The following COL5A1 variants were observed in gnomAD, a reference collection of about 807,000 sequenced individuals.
COL5A1 encodes collagen type V alpha 1 chain, also known as collagen alpha-1(V) chain.
Under a neutral mutation model 263.7 loss-of-function variants are expected in COL5A1, and 16 were observed. That is an observed-to-expected ratio of 0.06 (90% CI 0.04 to 0.09). The LOEUF (loss-of-function observed/expected upper bound fraction) is 0.09, where lower values mean the gene tolerates loss of function less well. Among genes scored for constraint, COL5A1 ranks in the 10% least tolerant of loss-of-function variants. The probability of loss-of-function intolerance (pLI) is 1.00; values close to 1 mark genes in which losing one functional copy is unlikely to be tolerated. For synonymous variants in COL5A1, 1,012 were observed against 1,004.5 expected (o/e 1.01, Z -0.14); for missense variants, 2,036 against 2,540.5 (o/e 0.80, Z 4.27).
chr9:134,795,377 G>T, intron 34 of COL5A1, 62 bp downstream of exon 34: 2 of 1,460,110 alleles, frequency 1.4e-6, no homozygotes, highest in Admixed American at 3.4e-5. Flanking sequence ...CTACAGAGAC[G>T]TGGAGCGTCT....
At position 134,825,812 on chromosome 9, in the gene COL5A1, A is replaced by G; in HGVS notation, c.4975A>G (p.Asn1659Asp). Reference protein sequence around the residue: ...FPDGEYWVDPNQGCSRDSFKV... With the variant: ...FPDGEYWVDPDQGCSRDSFKV... ...TCCAGGTGAATACTGGGTCGATCCT[A>G]ACCAAGGATGCTCCAGGGATTCCTT... The change falls in exon 63 of 66, where the codon AAC becomes GAC. Residue 1659 changes from asparagine to aspartate, a missense_variant. This residue lies in a region of COL5A1 where 358 missense variants were observed against 384.6 expected (regional missense o/e 0.93). Transcript: ENST00000371817. 2 of 1,612,418 alleles carry G rather than the reference A, an allele frequency of 1.2e-6. No individual in the cohort carries two copies. The highest frequency in any genetic ancestry group is 1.3e-5 in the African/African-American group (1 of 75,004).
Position 134,819,066 on chromosome 9 carries a change from T to A in COL5A1, c.4446+13T>A. 6.2e-7 allele frequency: 1 copy of A among 1,613,012 alleles called. No homozygotes were observed. The highest frequency in any genetic ancestry group is 8.5e-7 in the Non-Finnish European group (1 of 1,179,872). ...CAAAGGTGAAAAGGTAAGAGGGGCC[T>A]CCCTGCCCCAGCAACTGTGACTCGG... On this transcript the variant is annotated intron_variant, in intron 57 of 65. Coordinates refer to ENST00000371817, the MANE Select transcript of COL5A1 (RefSeq NM_000093.5).
intron 11 of COL5A1, among the ~76,000 whole-genome samples, chr9:134,747,984 T>C (rs1282271554): frequency 1.5e-5 from 2 of 137,872 alleles, no homozygotes; most frequent in African/African-American, 2.8e-5. Context: ...CACACACACA[T>C]GCATTCACAC....
rs1162621720 is a variant in COL5A1 at position 134,716,484 on chromosome 9, G to T, written c.655-10782G>T. Among the ~76,000 whole-genome samples, 1 of 152,164 alleles carries T rather than the reference G, an allele frequency of 6.6e-6. No individual in the cohort carries two copies. The highest frequency in any genetic ancestry group is 6.5e-5 in the Admixed American group (1 of 15,284). On this transcript the variant is annotated intron_variant, in intron 4 of 65. Transcript: ENST00000371817. The surrounding 1 kb of genome is among the most constrained non-coding windows in gnomAD (Gnocchi z 4.5). ...AAGATGTGGAGAAGGAGCAGCTCAA[G>T]CGTGCACTGCCCAAGCCACAAGTGC...
chr9:134,756,659 G>T (rs953755262), intron 16 of COL5A1, 106 bp from the exon 17 acceptor site: 11 of 1,237,292 alleles, frequency 8.9e-6, no homozygotes, highest in Non-Finnish European at 1.1e-5. Context: ...GGGGGTGGGC[G>T]CGGCTCTGGT....
rs1050937211 is a variant in COL5A1, at chr9:134,818,246, C to T, written c.4231-410C>T. ...GTGCAGAAGATGGGACGCCGTCACC[C>T]ATGCAGTTGGCTTGGGGCCTGGCCC... On this transcript the variant is annotated intron_variant, in intron 54 of 65. Coordinates refer to ENST00000371817, the MANE Select transcript of COL5A1 (RefSeq NM_000093.5). The surrounding 1 kb of genome is among the most constrained non-coding windows in gnomAD (Gnocchi z 6.0). Among the ~76,000 whole-genome samples, 2 of 152,222 alleles carry T rather than the reference C, an allele frequency of 1.3e-5. No homozygotes were observed. Among genetic ancestry groups the T allele is most frequent in the African/African-American group, 4.8e-5 (2 of 41,456 alleles).
At chr9:134,826,626 C>G (rs1462602208) in intron 63 of COL5A1, among the ~76,000 whole-genome samples, 1 of 122,166 alleles carries the variant, frequency 8.2e-6, no homozygotes, top group African/African-American at 4.0e-5. Context: ...GTGTAGATGG[C>G]ATGTGGATGA....
chr9:134,761,162 AC>A (rs1245949517), intron 18 of COL5A1, among the ~76,000 whole-genome samples: 6 of 140,438 alleles, frequency 4.3e-5, no homozygotes, highest in Admixed American at 1.4e-4. Flanking sequence ...GCACACGCAT[AC>A]ACACCTATAC....
At position 134,798,415 on chromosome 9, in the gene COL5A1, C is replaced by T; in HGVS notation, c.2906C>T (p.Pro969Leu). 1 of 1,614,144 alleles carries T rather than the reference C, an allele frequency of 6.2e-7. No homozygotes were observed. Among genetic ancestry groups the T allele is most frequent in the South Asian group, 1.1e-5 (1 of 91,082 alleles). ...FPGPKGPPGP[P>L]GKDGLPGHPG... ...CTTTGGTTTTTTCTTCAGGGCCCTC[C>T]AGGCAAGGATGGACTCCCAGGACAC... The change falls in exon 37 of 66, where the codon CCA becomes CTA. Residue 969 changes from proline (P) to leucine (L), a missense_variant. Pro to Leu is a moderately conservative substitution (Grantham distance 98). Around this residue, in one of 3 missense-constraint regions of COL5A1, gnomAD observed 1,078 missense variants for 1,521.4 expected, o/e 0.71. Transcript: ENST00000371817.
intron 61 of COL5A1, 90 bp downstream of exon 61, chr9:134,823,559 C>G: frequency 7.3e-7 from 1 of 1,371,296 alleles, no homozygotes; most frequent in Non-Finnish European, 1.0e-6. Context: ...TGTGACCCCT[C>G]CTGAGACTCA....
intron 28 of COL5A1, among the ~76,000 whole-genome samples, chr9:134,780,360 A>C (rs985299243): frequency 1.3e-5 from 2 of 152,176 alleles, no homozygotes; most frequent in African/African-American, 4.8e-5. Context: ...CCCCAGGGGC[A>C]CATCTCCTAG....
chr9:134,730,112 T>C, intron 6 of COL5A1, 124 bp from the exon 7 acceptor site: 1 of 1,445,232 alleles, frequency 6.9e-7, no homozygotes, highest in Non-Finnish European at 9.6e-7. Context: ...CTGGGCCTCT[T>C]GACAGGCCTG....
intron 4 of COL5A1, among the ~76,000 whole-genome samples, chr9:134,707,000 T>G (rs117824602): frequency 6.6e-6 from 1 of 152,182 alleles, no homozygotes; most frequent in African/African-American, 2.4e-5. Flanking sequence ...CATGCACCTC[T>G]CTAGAGTCTC....
intron 42 of COL5A1, among the ~76,000 whole-genome samples, chr9:134,807,555 G>T (rs757986429): frequency 2.0e-5 from 3 of 152,178 alleles, no homozygotes; most frequent in Non-Finnish European, 4.4e-5. Context: ...AGCCTCCCAA[G>T]GTGCTGGGAT....
intron 1 of COL5A1, among the ~76,000 whole-genome samples, chr9:134,662,010 C>T (rs759261531): frequency 3.9e-5 from 6 of 152,124 alleles, no homozygotes; most frequent in Non-Finnish European, 8.8e-5. Context: ...GAGGCGGGAA[C>T]CTGACTCTGT....
chr9:134,650,314 C>T (rs1024419979), intron 1 of COL5A1, among the ~76,000 whole-genome samples: 3 of 152,138 alleles, frequency 2.0e-5, no homozygotes, highest in African/African-American at 2.4e-5. Flanking sequence ...CCATTGGAAG[C>T]GACCGTCTTC....
In COL5A1 at chr9:134,796,890, A is replaced by C. The variant is rs1217075831; in HGVS notation, c.2887A>C (p.Lys963Gln). ...AGGACCCACAGGATTTCCTGGACCA[A>C]AGGGCCCCCCTGTAAGTAATGGCTT... ...PQGPTGFPGPKGPPGPPGKDG... is the reference protein window; with the variant it reads ...PQGPTGFPGPQGPPGPPGKDG... The change falls in exon 36 of 66, where the codon AAG becomes CAG. Residue 963 changes from lysine (K) to glutamine (Q), a missense_variant. Lys to Gln is a moderately conservative substitution (Grantham distance 53). Around this residue, in one of 3 missense-constraint regions of COL5A1, gnomAD observed 1,078 missense variants for 1,521.4 expected, o/e 0.71. Coordinates refer to ENST00000371817, the MANE Select transcript of COL5A1 (RefSeq NM_000093.5). The C allele has an allele frequency of 6.2e-7, 1 of 1,613,844 alleles. No individual in the cohort carries two copies. Among genetic ancestry groups the C allele is most frequent in the East Asian group, 2.2e-5 (1 of 44,884 alleles).
rs1325251907 is a variant in COL5A1, at chr9:134,681,043, C to G, written c.110-9869C>G. 6.6e-6 allele frequency among the ~76,000 whole-genome samples: 1 copy of G among 152,212 alleles called. No homozygotes were observed. Among genetic ancestry groups the G allele is most frequent in the East Asian group, 1.9e-4 (1 of 5,198 alleles). On this transcript the variant is annotated intron_variant, in intron 1 of 65. Coordinates refer to ENST00000371817, the MANE Select transcript of COL5A1 (RefSeq NM_000093.5). This position sits in a 1 kb window ranked among gnomAD's most constrained non-coding sequence, Gnocchi z 4.3. ...CCTCTGTGCATTTCCCACCCCCTGC[C>G]CCTTTGCTTTGCTCCCTGGTTTAGT...
intron 4 of COL5A1, among the ~76,000 whole-genome samples, chr9:134,709,439 C>T (rs4841926): frequency 0.79 from 120,439 of 152,160 alleles, 47,979 homozygotes; most frequent in African/African-American, 0.86. Context: ...AGTTTGGTAT[C>T]GGGGTGCATT....
Sources: gnomAD v4.1 joint callset for allele counts (sites outside exome capture counted in the v4.1 genomes callset) on GRCh38, gnomAD v4.1.1 for gene constraint, gnomAD v4.1.1 regional missense constraint, Gnocchi (gnomAD v3.1) non-coding constraint, MANE v1.5 for transcripts, NCBI Gene and HGNC (gene_info 2026-07-23, HGNC 2026-07-21) for gene names.